The following ERCC6L2 variants were observed in gnomAD, a reference collection of about 807,000 sequenced individuals.
ERCC6L2 encodes DNA excision repair protein ERCC-6-like 2.
ERCC6L2 carries 77 observed loss-of-function variants against 132.0 expected under a neutral mutation model. That is an observed-to-expected ratio of 0.58 (90% CI 0.49 to 0.71). The LOEUF (loss-of-function observed/expected upper bound fraction) is 0.71. ERCC6L2 is among the 30% of genes least tolerant of loss of function. The probability of loss-of-function intolerance (pLI) is 0.00; values close to 1 mark genes in which losing one functional copy is unlikely to be tolerated. For missense variants in ERCC6L2, 1,542 were observed against 1,837.6 expected (o/e 0.84, Z 2.94); for synonymous variants, 583 against 632.4 (o/e 0.92, Z 1.17).
intron 18 of ERCC6L2, among the ~76,000 whole-genome samples, chr9:96,007,625 C>A (rs906490081): frequency 6.6e-6 from 1 of 152,176 alleles, no homozygotes; most frequent in Admixed American, 6.5e-5. Flanking sequence ...AGAGCCTTGC[C>A]TTGCAAGGGC....
chr9:95,986,673 T>G lies in ERCC6L2; in HGVS notation c.3492+8458T>G, dbSNP rs1244271299. 2.0e-5 allele frequency among the ~76,000 whole-genome samples: 3 copies of G among 151,968 alleles called. No homozygotes were observed. The East Asian group carries it at 5.8e-4, about 29-fold the overall frequency. On this transcript the variant is annotated intron_variant, in intron 17 of 18. Coordinates refer to ENST00000653738, the MANE Select transcript of ERCC6L2 (RefSeq NM_020207.7). ...CACCACAGCTGGCTAATTTTTGTAT[T>G]TTTAGTAGAGACGGGGTTTTGCCAT...
intron 17 of ERCC6L2, among the ~76,000 whole-genome samples, chr9:95,999,378 CT>C (rs1833580613): frequency 6.6e-6 from 1 of 151,994 alleles, no homozygotes; most frequent in African/African-American, 2.4e-5. Flanking sequence ...AAAAAATTTC[CT>C]TTTATTATTG....
intron 17 of ERCC6L2, among the ~76,000 whole-genome samples, chr9:95,980,452 AAC>A (rs1400912086): frequency 1.3e-5 from 2 of 152,228 alleles, no homozygotes; most frequent in Non-Finnish European, 2.9e-5. Flanking sequence ...TAGCAGCCCA[AAC>A]ACAGTCTGCA....
chr9:96,005,580 G>A (rs1258819586), intron 18 of ERCC6L2, among the ~76,000 whole-genome samples: 1 of 151,754 alleles, frequency 6.6e-6, no homozygotes, highest in Non-Finnish European at 1.5e-5. Flanking sequence ...AAGGAGGGAA[G>A]AGGTTTGGTG....
intron 4 of ERCC6L2, among the ~76,000 whole-genome samples, chr9:95,915,003 A>G (rs117787299): frequency 1.8e-3 from 278 of 152,300 alleles, no homozygotes; most frequent in African/African-American, 5.7e-3. Flanking sequence ...TGTTTATTCA[A>G]TATTTTCAAT....
At chr9:95,949,798 A>G (rs1418615335) in intron 12 of ERCC6L2, among the ~76,000 whole-genome samples, 1 of 152,162 alleles carries the variant, frequency 6.6e-6, no homozygotes, top group African/African-American at 2.4e-5. Flanking sequence ...TCATGAGGTC[A>G]GGAGTTCAAG....
intron 10 of ERCC6L2, chr9:95,928,422 A>G (rs1830192763): frequency 2.5e-6 from 1 of 405,238 alleles, no homozygotes. Flanking sequence ...ATATTTTAGA[A>G]CTTAAAAAAT....
At chr9:95,944,421 TAAA>T (rs1174660419) in intron 12 of ERCC6L2, among the ~76,000 whole-genome samples, 1 of 152,190 alleles carries the variant, frequency 6.6e-6, no homozygotes, top group Non-Finnish European at 1.5e-5. Flanking sequence ...TTTAGGATAA[TAAA>T]AAAGTTGTAG....
intron 17 of ERCC6L2, among the ~76,000 whole-genome samples, chr9:95,992,287 T>C (rs1192648658): frequency 6.6e-6 from 1 of 152,196 alleles, no homozygotes; most frequent in Non-Finnish European, 1.5e-5. Context: ...TTTCAGTAGA[T>C]ATAACCCACA....
intron 11 of ERCC6L2, among the ~76,000 whole-genome samples, chr9:95,929,612 A>G (rs1343310669): frequency 6.6e-6 from 1 of 152,248 alleles, no homozygotes; most frequent in African/African-American, 2.4e-5. Flanking sequence ...GAGGAATAAA[A>G]TATACTTATG....
Position 95,972,237 on chromosome 9 carries a change from C to G in ERCC6L2, c.2486C>G (p.Thr829Arg). 1.5e-6 allele frequency: 2 copies of G among 1,304,206 alleles called. No individual in the cohort carries two copies. Among genetic ancestry groups the G allele is most frequent in the Non-Finnish European group, 2.0e-6 (2 of 988,938 alleles). The allele number at this position is 1,304,206 out of a possible 1,614,324, so 80.8% of individuals were successfully genotyped here. Reference sequence around the variant, plus strand: ...GATGAGCAGCCCACATGCCTTTCAACAGAAGCCAAAGATGCTGGTTGTGAG... The same window carrying G: ...GATGAGCAGCCCACATGCCTTTCAAGAGAAGCCAAAGATGCTGGTTGTGAG... ...SSDEQPTCLS[T>R]EAKDAGCEKN... The change falls in exon 16 of 19, where the codon ACA becomes AGA. Residue 829 changes from threonine (T) to arginine (R), a missense_variant. By Grantham distance (71) the Thr-to-Arg change is moderately conservative. Coordinates refer to ENST00000653738, the MANE Select transcript of ERCC6L2 (RefSeq NM_020207.7).
At position 96,016,386 on chromosome 9, in the gene ERCC6L2, A is replaced by T. The variant is rs953321973; in HGVS notation, c.*3183A>T. On this transcript the variant is annotated 3_prime_UTR_variant, in exon 19 of 19. Transcript: ENST00000653738. ...CTTTCAACTTTGTTTCCATGATGCTACTTGCCACAATCTTTTTTACTTAAG... is the reference window on the plus strand; with the variant it reads ...CTTTCAACTTTGTTTCCATGATGCTTCTTGCCACAATCTTTTTTACTTAAG... 3.9e-5 allele frequency among the ~76,000 whole-genome samples: 6 copies of T among 152,198 alleles called. No individual in the cohort carries two copies. The highest frequency in any genetic ancestry group is 8.8e-5 in the Non-Finnish European group (6 of 68,028).
At chr9:95,917,945 T>C (rs769083783) in intron 6 of ERCC6L2, among the ~76,000 whole-genome samples, 7 of 152,222 alleles carry the variant, frequency 4.6e-5, no homozygotes, top group Non-Finnish European at 1.0e-4. Flanking sequence ...ACTTCAATCA[T>C]TGACCACCAA....
Position 95,943,295 on chromosome 9 carries a change from GT to G in ERCC6L2, c.1847+1755del, listed in dbSNP as rs896381649. Among the ~76,000 whole-genome samples, 50 of 150,532 alleles carry G rather than the reference GT, an allele frequency of 3.3e-4. No homozygotes were observed. The South Asian group carries it at 3.8e-3, about 11-fold the overall frequency. On this transcript the variant is annotated intron_variant, in intron 12 of 18. Transcript: ENST00000653738. The stretch of plus-strand genomic sequence containing the variant: ...AGGTGGGTAAAGTTGTCTTAGAATT[GT>G]TTTTTTTTCCTCAGGAAAGGACCAG...
chr9:95,914,455 G>A (rs1210481561), intron 4 of ERCC6L2, among the ~76,000 whole-genome samples: 2 of 152,110 alleles, frequency 1.3e-5, no homozygotes, highest in Non-Finnish European at 2.9e-5. Flanking sequence ...CCTGGTTCAA[G>A]TGATTCTCCT....
chr9:95,951,208 C>T lies in ERCC6L2; in HGVS notation c.1848-4706C>T, dbSNP rs548177769. On this transcript the variant is annotated intron_variant, in intron 12 of 18. Transcript: ENST00000653738. ...ACAAATATGTAGAAGTTAAACAACA[C>T]ACACTTAACAAAAGGGTTGAAGAAG... Among the ~76,000 whole-genome samples the T allele has an allele frequency of 5.9e-5, 9 of 152,172 alleles. No homozygotes were observed. In the East Asian group the frequency reaches 1.7e-3, roughly 29 times the overall value.
intron 2 of ERCC6L2, among the ~76,000 whole-genome samples, chr9:95,885,753 A>T (rs999839546): frequency 4.6e-5 from 7 of 152,170 alleles, no homozygotes; most frequent in Non-Finnish European, 5.9e-5. Flanking sequence ...CAGCAGCATT[A>T]GTGTCACCTG....
chr9:95,963,869 TTC>T (rs1832029528), intron 13 of ERCC6L2, among the ~76,000 whole-genome samples: 1 of 152,156 alleles, frequency 6.6e-6, no homozygotes, highest in South Asian at 2.1e-4. Context: ...TACTGTGCTC[TTC>T]TCGTTGCATC....
chr9:95,927,213 A>G (rs1048962922), intron 9 of ERCC6L2, among the ~76,000 whole-genome samples: 1 of 152,098 alleles, frequency 6.6e-6, no homozygotes, highest in Non-Finnish European at 1.5e-5. Flanking sequence ...AGGGGGAGGT[A>G]GAGGTCAAAG....
Sources: gnomAD v4.1 joint callset for allele counts (sites outside exome capture counted in the v4.1 genomes callset) on GRCh38, gnomAD v4.1.1 for gene constraint, MANE v1.5 for transcripts, NCBI Gene and HGNC (gene_info 2026-07-23, HGNC 2026-07-21) for gene names.